Variants in MLLT10 observed in about 807,000 individuals in gnomAD.
MLLT10 encodes the protein MLLT10 histone lysine methyltransferase DOT1L cofactor.
A neutral mutation model predicts 129.1 loss-of-function variants in MLLT10; 30 were observed. The observed-to-expected ratio is 0.23, with a 90% CI of 0.17 to 0.32. MLLT10 has a LOEUF of 0.32. Among genes scored for constraint, MLLT10 ranks in the 10% least tolerant of loss-of-function variants. The pLI, the probability that MLLT10 is intolerant of heterozygous loss-of-function variation, is 1.00. For synonymous variants in MLLT10, 490 were observed against 446.4 expected, an observed-to-expected ratio of 1.10 and a Z score of -1.23; for missense variants, 1,119 against 1,268.3, an observed-to-expected ratio of 0.88 and a Z score of 1.79.
chr10:21,651,039 GTTGTTTTGTTTTGTTTTGTT>G lies in MLLT10; in HGVS notation c.700-603_700-584del, dbSNP rs57639142. Among the ~76,000 whole-genome samples, 108 of 148,542 alleles carry G rather than the reference GTTGTTTTGTTTTGTTTTGTT, an allele frequency of 7.3e-4. 1 individual carries two copies. In the South Asian group the frequency reaches 8.9e-3, roughly 12 times the overall value. On this transcript the variant is annotated intron_variant, in intron 8 of 22. Transcript: ENST00000307729. ...GTTCACAAAAGTATTTGGTGGTTGT[GTTGTTTTGTTTTGTTTTGTT>G]TTGTTTTGTTTTGTTTTGTTTTGTT...
intron 21 of MLLT10, chr10:21,738,660 C>T (rs982261097): frequency 1.4e-6 from 1 of 723,988 alleles, no homozygotes; most frequent in Non-Finnish European, 1.7e-6. Context: ...TCCAGTGGTC[C>T]CTTCTCATTC....
rs751320253 is a variant in MLLT10 at position 21,673,452 on chromosome 10, A to G, written c.1154A>G (p.Asp385Gly). The G allele has an allele frequency of 2.5e-6, 4 of 1,613,552 alleles. No homozygotes were observed. The highest frequency in any genetic ancestry group is 3.4e-6 in the Non-Finnish European group (4 of 1,179,934). Residue 385 changes from aspartate (D) to glycine (G), a missense_variant, in exon 11 of 23, where the codon GAC (aspartate) becomes GGC (glycine). Asp to Gly is a moderately conservative substitution (Grantham distance 94). This residue lies in a region of MLLT10 where 1,004 missense variants were observed against 1,008.7 expected (regional missense o/e 1.00). Coordinates refer to ENST00000307729, the MANE Select transcript of MLLT10 (RefSeq NM_001195626.3). ...TTTACAGACTCAGATCTGCGTAATG[A>G]CAGTTACTCTCACTCCCAACAGTCA... is the stretch of plus-strand genomic sequence containing the variant. Reference protein sequence around the residue: ...LSFTDSDLRNDSYSHSQQSSA... With the variant: ...LSFTDSDLRNGSYSHSQQSSA...
Position 21,733,528 on chromosome 10 carries a change from G to T in MLLT10, c.2432G>T (p.Ser811Ile). Residue 811 changes from serine (S) to isoleucine (I), a missense_variant, in exon 19 of 23, where the codon AGC becomes ATC. Transcript: ENST00000307729. ...QTAPTTDSLN[S>I]SKSPHIGNSF... ...GCTCCTACTACTGATTCCTTGAACA[G>T]CAGTAAGAGCCCTCATATAGGAAAC... is the stretch of plus-strand genomic sequence containing the variant. 1.3e-6 allele frequency: 2 copies of T among 1,566,522 alleles called. No individual in the cohort carries two copies.
rs557751007 is a variant in MLLT10, at chr10:21,538,944, T to C, written c.240+32T>C. On this transcript the variant is annotated intron_variant, in intron 3 of 22. Coordinates refer to ENST00000307729, the MANE Select transcript of MLLT10 (RefSeq NM_001195626.3). ...ACTATTTATCAAAAACATTAAACTTTAGTGAGTAGGTTAGGAAATTAGGAA... is the reference window on the plus strand; with the variant it reads ...ACTATTTATCAAAAACATTAAACTTCAGTGAGTAGGTTAGGAAATTAGGAA... The C allele has an allele frequency of 1.9e-5, 29 of 1,518,568 alleles. 1 individual carries two copies. In the South Asian group the frequency reaches 2.2e-4, roughly 11 times the overall value. 94.1% of individuals were successfully genotyped at this position (1,518,568 alleles called of 1,614,324 possible).
At chr10:21,671,667 C>T (rs180935452) in intron 10 of MLLT10, among the ~76,000 whole-genome samples, 293 of 152,278 alleles carry the variant, frequency 1.9e-3, no homozygotes, top group Non-Finnish European at 3.3e-3. Context: ...TGCCTATAGT[C>T]CCAGCTACTT....
At chr10:21,712,812 A>C (rs2056221205) in intron 13 of MLLT10, among the ~76,000 whole-genome samples, 1 of 152,236 alleles carries the variant, frequency 6.6e-6, no homozygotes, top group Non-Finnish European at 1.5e-5. Flanking sequence ...TGTGGGGCAA[A>C]ATCACCCCTG....
chr10:21,599,127 G>A (rs2043276926), intron 5 of MLLT10, among the ~76,000 whole-genome samples: 2 of 149,644 alleles, frequency 1.3e-5, no homozygotes, highest in Middle Eastern at 3.6e-3. Context: ...GCAGTGAGCC[G>A]AGATCGCACC....
chr10:21,552,066 A>G (rs930813767), intron 3 of MLLT10: 2 of 235,818 alleles, frequency 8.5e-6, no homozygotes, highest in African/African-American at 4.7e-5. Context: ...AGCTGGAACT[A>G]TAGGTACACA....
In MLLT10 at chr10:21,559,232, C is replaced by T. The variant is rs376281107; in HGVS notation, c.240+20320C>T. Among the ~76,000 whole-genome samples the T allele has an allele frequency of 3.3e-5, 5 of 152,114 alleles. No homozygotes were observed. The East Asian group carries it at 7.7e-4, about 23-fold the overall frequency. On this transcript the variant is annotated intron_variant, in intron 3 of 22. Coordinates refer to ENST00000307729, the MANE Select transcript of MLLT10 (RefSeq NM_001195626.3). Reference sequence around the variant, plus strand: ...CCAGGAAGCTGGGACTACAGGCATCCGCCACCACGCCTGACTAATTTTTGT... The same window carrying T: ...CCAGGAAGCTGGGACTACAGGCATCTGCCACCACGCCTGACTAATTTTTGT...
At chr10:21,628,389 A>G (rs2131257252) in intron 8 of MLLT10, among the ~76,000 whole-genome samples, 1 of 150,412 alleles carries the variant, frequency 6.6e-6, no homozygotes, top group East Asian at 2.0e-4. Context: ...GTCTTTGATT[A>G]TAGTCATTTA....
chr10:21,536,407 T>C (rs2034008354), intron 2 of MLLT10, among the ~76,000 whole-genome samples: 1 of 152,228 alleles, frequency 6.6e-6, no homozygotes, highest in Admixed American at 6.5e-5. Context: ...GATGATAAAC[T>C]ATCAAAATTT....
chr10:21,618,711 G>A (rs1051349079), intron 8 of MLLT10, among the ~76,000 whole-genome samples: 1 of 151,584 alleles, frequency 6.6e-6, no homozygotes, highest in Admixed American at 6.6e-5. Context: ...TCAGTCTACC[G>A]CAACCTCTGC....
chr10:21,594,524 G>A (rs548218233), intron 4 of MLLT10, among the ~76,000 whole-genome samples: 1 of 135,314 alleles, frequency 7.4e-6, no homozygotes, highest in Non-Finnish European at 1.5e-5. Flanking sequence ...CTGCTCTCCA[G>A]CCTGGGCAAC....
chr10:21,624,586 T>G (rs984584304), intron 8 of MLLT10: 11 of 1,363,036 alleles, frequency 8.1e-6, no homozygotes, highest in African/African-American at 1.5e-5. Context: ...AGCCCTTACT[T>G]GTCTGCTTCC....
chr10:21,708,641 G>A (rs941913570), intron 13 of MLLT10: 3 of 984,986 alleles, frequency 3.0e-6, no homozygotes, highest in Admixed American at 6.2e-5. Flanking sequence ...TGCACATTTA[G>A]CTGCGTAATT....
At chr10:21,619,029 TACACACAC>T (rs66469025) in intron 8 of MLLT10, among the ~76,000 whole-genome samples, 1,807 of 143,840 alleles carry the variant, frequency 0.013, 38 homozygotes, top group African/African-American at 0.04. Context: ...CCTGGTGACA[TACACACAC>T]ACACACACAC....
At chr10:21,609,660 G>C (rs1486417467) in intron 5 of MLLT10, among the ~76,000 whole-genome samples, 1 of 152,126 alleles carries the variant, frequency 6.6e-6, no homozygotes. Flanking sequence ...TGGCTGTTCA[G>C]TTGTTGTACT....
chr10:21,640,179 T>C (rs2047847442), intron 8 of MLLT10, among the ~76,000 whole-genome samples: 1 of 145,224 alleles, frequency 6.9e-6, no homozygotes. Context: ...ATATATAATA[T>C]CAAATATTAT....
chr10:21,694,134 C>T (rs2054142077), intron 13 of MLLT10, among the ~76,000 whole-genome samples: 1 of 152,192 alleles, frequency 6.6e-6, no homozygotes, highest in African/African-American at 2.4e-5. Flanking sequence ...GTAAGTTGCG[C>T]ACCGTATCCC....
Sources: gnomAD v4.1 joint callset for allele counts (sites outside exome capture counted in the v4.1 genomes callset) on GRCh38, gnomAD v4.1.1 for gene constraint, gnomAD v4.1.1 regional missense constraint, MANE v1.5 for transcripts, NCBI Gene and HGNC (gene_info 2026-07-23, HGNC 2026-07-21) for gene names.